C7orf78: variants seen among roughly 807,000 people sequenced by gnomAD.
C7orf78 encodes putative uncharacterized protein C7orf78.
At chr7:12,502,369 C>T in the C7orf78 span, among the ~76,000 whole-genome samples, 7 of 148,982 alleles carry the variant, frequency 4.7e-5, no homozygotes, top group Admixed American at 1.3e-4. Flanking sequence ...CTACAATGAA[C>T]TCAAACAAAT....
chr7:12,503,572 A>T, the C7orf78 span, among the ~76,000 whole-genome samples: 1 of 151,936 alleles, frequency 6.6e-6, no homozygotes, highest in African/African-American at 2.4e-5. Flanking sequence ...GATTCATTAC[A>T]CAATGTCTAC....
chr7:12,506,342 C>G, the C7orf78 span, among the ~76,000 whole-genome samples: 2 of 148,996 alleles, frequency 1.3e-5, no homozygotes, highest in African/African-American at 5.0e-5. Flanking sequence ...CACATGCACA[C>G]ATATGTTTAT....
At chr7:12,505,050 A>G in the C7orf78 span, among the ~76,000 whole-genome samples, 1 of 152,106 alleles carries the variant, frequency 6.6e-6, no homozygotes, top group Non-Finnish European at 1.5e-5. Context: ...TTAAAAGCAG[A>G]TAACAAAAAT....
At chr7:12,520,008 A>T in the C7orf78 span, among the ~76,000 whole-genome samples, 1 of 152,188 alleles carries the variant, frequency 6.6e-6, no homozygotes, top group Non-Finnish European at 1.5e-5. Context: ...ATGAACACCC[A>T]CACTAGTCTT....
the C7orf78 span, among the ~76,000 whole-genome samples, chr7:12,500,087 A>C: frequency 3.3e-5 from 4 of 122,888 alleles, no homozygotes; most frequent in Admixed American, 3.4e-4. Flanking sequence ...AGCAGTGTGT[A>C]GAGGGAAATT....
chr7:12,507,750 G>C, the C7orf78 span, among the ~76,000 whole-genome samples: 2 of 152,132 alleles, frequency 1.3e-5, no homozygotes, highest in Non-Finnish European at 2.9e-5. Context: ...TTCCAGACAA[G>C]GTTGTAGTGT....
chr7:12,486,806 G>A, the C7orf78 span, among the ~76,000 whole-genome samples: 1 of 151,988 alleles, frequency 6.6e-6, no homozygotes, highest in African/African-American at 2.4e-5. Flanking sequence ...AGAATTAAAA[G>A]ATAGTAGTGT....
At chr7:12,510,389 T>G in the C7orf78 span, among the ~76,000 whole-genome samples, 1 of 152,168 alleles carries the variant, frequency 6.6e-6, no homozygotes, top group Non-Finnish European at 1.5e-5. Flanking sequence ...CTCACCATGT[T>G]GCCCAGGATT....
chr7:12,501,637 GT>G, the C7orf78 span, among the ~76,000 whole-genome samples: 1 of 135,836 alleles, frequency 7.4e-6, no homozygotes, highest in Non-Finnish European at 1.6e-5. Context: ...AATCAATATC[GT>G]GAAAATGGCC....
the C7orf78 span, among the ~76,000 whole-genome samples, chr7:12,515,237 G>A: frequency 6.6e-6 from 1 of 152,130 alleles, no homozygotes; most frequent in African/African-American, 2.4e-5. Context: ...GAATCACAGA[G>A]GCAGTTTCCC....
the C7orf78 span, among the ~76,000 whole-genome samples, chr7:12,534,358 A>T: frequency 6.6e-6 from 1 of 152,238 alleles, no homozygotes; most frequent in Non-Finnish European, 1.5e-5. Context: ...AAGTAAATTC[A>T]TGTGGATTAC....
At chr7:12,535,953 G>C in the C7orf78 span, among the ~76,000 whole-genome samples, 1 of 152,222 alleles carries the variant, frequency 6.6e-6, no homozygotes, top group Non-Finnish European at 1.5e-5. Flanking sequence ...GGCTTTGCAG[G>C]ATACAGCCTC....
chr7:12,497,133 G>T, the C7orf78 span, among the ~76,000 whole-genome samples: 1 of 152,296 alleles, frequency 6.6e-6, no homozygotes, highest in South Asian at 2.1e-4. Context: ...AGTCATAGGA[G>T]ATTTTGGACC....
At chr7:12,507,211 G>A in the C7orf78 span, 3 of 185,008 alleles carry the variant, frequency 1.6e-5, no homozygotes, top group Non-Finnish European at 2.2e-5. Flanking sequence ...GGAGTCTGAG[G>A]CAGGAGAAAT....
chr7:12,515,109 C>T, the C7orf78 span, among the ~76,000 whole-genome samples: 9 of 152,238 alleles, frequency 5.9e-5, no homozygotes, highest in South Asian at 4.1e-4. Flanking sequence ...ACTGTGCCTT[C>T]GCTAACACTA....
chr7:12,527,231 TG>T, the C7orf78 span, among the ~76,000 whole-genome samples: 2 of 102,904 alleles, frequency 1.9e-5, no homozygotes, highest in Non-Finnish European at 3.7e-5. Context: ...GCCACCTAGC[TG>T]TGTAATTCAA....
chr7:12,515,069 A>T, the C7orf78 span, among the ~76,000 whole-genome samples: 2 of 152,174 alleles, frequency 1.3e-5, no homozygotes, highest in Non-Finnish European at 2.9e-5. Flanking sequence ...AGACAGTTTA[A>T]CTACAATGTG....
chr7:12,536,889 TTC>T, the C7orf78 span, among the ~76,000 whole-genome samples: 1 of 152,182 alleles, frequency 6.6e-6, no homozygotes, highest in Non-Finnish European at 1.5e-5. Context: ...CCTCATCTCC[TTC>T]TGAGACGACC....
chr7:12,538,499 G>T, the C7orf78 span: 3 of 152,102 alleles, frequency 2.0e-5, no homozygotes, highest in African/African-American at 7.2e-5. Context: ...CCTCTGTGTG[G>T]CTGATGTTCA....
Sources: gnomAD v4.1 joint callset for allele counts (sites outside exome capture counted in the v4.1 genomes callset) on GRCh38, gnomAD v4.1.1 for gene constraint, MANE v1.5 for transcripts, NCBI Gene and HGNC (gene_info 2026-07-23, HGNC 2026-07-21) for gene names.